The following CNTN5 variants were observed in gnomAD, a reference collection of about 807,000 sequenced individuals.
CNTN5 encodes contactin-5.
A neutral mutation model predicts 129.1 loss-of-function variants in CNTN5; 77 were observed. That is an observed-to-expected ratio of 0.60 (90% CI 0.50 to 0.72). CNTN5 has a LOEUF of 0.72. Among genes scored for constraint, CNTN5 ranks in the 30% least tolerant of loss-of-function variants. The pLI is 0.00. For missense variants in CNTN5, 1,478 were observed against 1,328.8 expected (o/e 1.11, Z -1.75); for synonymous variants, 509 against 465.6 (o/e 1.09, Z -1.20).
rs71046672 is a variant in CNTN5, at chr11:99,178,314, C to CCACACA, written c.-209-146983_-209-146978dup. On this transcript the variant is annotated intron_variant, in intron 1 of 24. Coordinates refer to ENST00000524871, the MANE Select transcript of CNTN5 (RefSeq NM_014361.4). The stretch of plus-strand genomic sequence containing the variant: ...TCAGTAACAGAGTGAGACCTCATCT[C>CCACACA]CACACACACACACACACACACACAC... Among the ~76,000 whole-genome samples the CCACACA allele has an allele frequency of 3.9e-3, 485 of 125,564 alleles. 2 individuals carry two copies. Among genetic ancestry groups the CCACACA allele is most frequent in the Middle Eastern group, 8.7e-3 (2 of 230 alleles). 82.4% of individuals were successfully genotyped at this position (125,564 alleles called of 152,430 possible).
chr11:99,460,385 T>A (rs111727409), intron 2 of CNTN5, among the ~76,000 whole-genome samples: 1,840 of 152,010 alleles, frequency 0.012, 39 homozygotes, highest in African/African-American at 0.042. Flanking sequence ...TAAGAAGTAC[T>A]GTTAACTTTG....
chr11:99,881,427 G>T (rs1948768750), intron 6 of CNTN5, among the ~76,000 whole-genome samples: 1 of 152,154 alleles, frequency 6.6e-6, no homozygotes, highest in South Asian at 2.1e-4. Context: ...GATTTTACAT[G>T]GGGAATGTAT....
chr11:99,335,228 T>C (rs1312009093), intron 2 of CNTN5, among the ~76,000 whole-genome samples: 1 of 152,144 alleles, frequency 6.6e-6, no homozygotes, highest in Non-Finnish European at 1.5e-5. Flanking sequence ...GATCAAGAAG[T>C]AACTAGTTGA....
At chr11:99,936,620 C>A (rs1356738014) in intron 7 of CNTN5, among the ~76,000 whole-genome samples, 1 of 152,160 alleles carries the variant, frequency 6.6e-6, no homozygotes, top group Non-Finnish European at 1.5e-5. Flanking sequence ...CTCTAGCTTG[C>A]TGCAAGGTTG....
chr11:99,694,037 G>A (rs994983163), intron 3 of CNTN5, among the ~76,000 whole-genome samples: 8 of 152,060 alleles, frequency 5.3e-5, no homozygotes, highest in African/African-American at 1.7e-4. Context: ...AAACAGACAC[G>A]TGAGGCTTAA....
At chr11:100,285,251 C>T (rs1275627995) in intron 18 of CNTN5, among the ~76,000 whole-genome samples, 1 of 152,092 alleles carries the variant, frequency 6.6e-6, no homozygotes, top group East Asian at 1.9e-4. Context: ...GAGTTAAACA[C>T]GTTTGTTGAT....
chr11:99,994,461 G>T (rs1164764412), intron 8 of CNTN5, among the ~76,000 whole-genome samples: 2 of 152,136 alleles, frequency 1.3e-5, no homozygotes, highest in Non-Finnish European at 1.5e-5. Context: ...TTTCTCCTAA[G>T]ATCTCTTTAG....
At chr11:99,526,921 C>G (rs573507692) in intron 2 of CNTN5, among the ~76,000 whole-genome samples, 2 of 152,066 alleles carry the variant, frequency 1.3e-5, no homozygotes, top group Admixed American at 6.6e-5. Flanking sequence ...AGAGAGAAAC[C>G]TTTACACCAT....
At chr11:99,910,161 A>C (rs1298641321) in intron 6 of CNTN5, among the ~76,000 whole-genome samples, 1 of 152,010 alleles carries the variant, frequency 6.6e-6, no homozygotes, top group East Asian at 1.9e-4. Flanking sequence ...TTGTTACCTA[A>C]TTTTAGTGAA....
At chr11:99,031,073 A>G (rs1339472287) in intron 1 of CNTN5, among the ~76,000 whole-genome samples, 1 of 152,174 alleles carries the variant, frequency 6.6e-6, no homozygotes, top group Non-Finnish European at 1.5e-5. Context: ...CTGGGATTAC[A>G]GGCGTGAGCC....
At chr11:100,124,499 A>G (rs1288555845) in intron 13 of CNTN5, among the ~76,000 whole-genome samples, 1 of 152,060 alleles carries the variant, frequency 6.6e-6, no homozygotes, top group Admixed American at 6.6e-5. Flanking sequence ...GATGAGAGGC[A>G]GGGAGAAGCC....
Position 99,322,075 on chromosome 11 carries a change from T to C in CNTN5, c.-209-3271T>C, listed in dbSNP as rs191702398. On this transcript the variant is annotated intron_variant, in intron 1 of 24. Coordinates refer to ENST00000524871, the MANE Select transcript of CNTN5 (RefSeq NM_014361.4). ...CAGATCTCCTTGTCCCCAGTTGTAT[T>C]AGTTTTCTAGGGCTTCCATAAAACA... Among the ~76,000 whole-genome samples, 141 of 152,288 alleles carry C rather than the reference T, an allele frequency of 9.3e-4. 1 individual carries two copies. The Middle Eastern group carries it at 0.014, about 15-fold the overall frequency.
chr11:99,348,337 C>T (rs12796955), intron 2 of CNTN5, among the ~76,000 whole-genome samples: 1 of 151,902 alleles, frequency 6.6e-6, no homozygotes, highest in Non-Finnish European at 1.5e-5. Flanking sequence ...AGACTCCGTC[C>T]CCCCCAAAAA....
intron 8 of CNTN5, among the ~76,000 whole-genome samples, chr11:99,998,639 G>A (rs1167000177): frequency 7.8e-6 from 1 of 128,694 alleles, no homozygotes; most frequent in Non-Finnish European, 1.6e-5. Flanking sequence ...TTTCTTCACA[G>A]AATTGGAAAA....
In CNTN5 at chr11:99,978,988, T is replaced by A. The variant is rs145804740; in HGVS notation, c.877+21979T>A. Among the ~76,000 whole-genome samples the A allele has an allele frequency of 9.8e-4, 150 of 152,334 alleles. 2 individuals are homozygous for A. The highest frequency in any genetic ancestry group is 3.3e-3 in the African/African-American group (137 of 41,576). ...GGTTGCTATCCCAGTTCTGCCCCGCTTTAACTATGTGACCCACTCTCTCTA... is the reference window on the plus strand; with the variant it reads ...GGTTGCTATCCCAGTTCTGCCCCGCATTAACTATGTGACCCACTCTCTCTA... On this transcript the variant is annotated intron_variant, in intron 8 of 24. Transcript: ENST00000524871.
chr11:99,955,114 A>G (rs962662713), intron 7 of CNTN5, among the ~76,000 whole-genome samples: 5 of 151,532 alleles, frequency 3.3e-5, no homozygotes, highest in African/African-American at 1.2e-4. Flanking sequence ...CTTATTTTAT[A>G]TTAGATTTTA....
At chr11:100,175,236 T>C (rs567882858) in intron 13 of CNTN5, among the ~76,000 whole-genome samples, 1 of 152,208 alleles carries the variant, frequency 6.6e-6, no homozygotes, top group Admixed American at 6.5e-5. Context: ...GCAGGTCTAC[T>C]TTTAAAATCC....
intron 18 of CNTN5, among the ~76,000 whole-genome samples, chr11:100,281,476 T>C (rs563969314): frequency 2.6e-5 from 4 of 152,308 alleles, no homozygotes; most frequent in South Asian, 4.1e-4. Context: ...AGCTCCTTTG[T>C]ATGTTATTTG....
At chr11:99,213,372 A>ACGTATATACATATATACACG (rs1411774224) in intron 1 of CNTN5, among the ~76,000 whole-genome samples, 1 of 138,140 alleles carries the variant, frequency 7.2e-6, no homozygotes, top group South Asian at 2.1e-4. Context: ...ATATGTATAT[A>ACGTATATACATATATACACG]TGTATATACA....
Sources: gnomAD v4.1 joint callset for allele counts (sites outside exome capture counted in the v4.1 genomes callset) on GRCh38, gnomAD v4.1.1 for gene constraint, MANE v1.5 for transcripts, NCBI Gene and HGNC (gene_info 2026-07-23, HGNC 2026-07-21) for gene names.